The following CCDC171 variants were observed in gnomAD, a reference collection of about 807,000 sequenced individuals.
CCDC171 encodes the protein coiled-coil domain containing 171.
A neutral mutation model predicts 168.2 loss-of-function variants in CCDC171; 177 were observed. The observed-to-expected ratio is 1.05, with a 90% CI of 0.93 to 1.19. The LOEUF is 1.19. CCDC171 is among the 50% of genes most tolerant of loss of function. The probability of loss-of-function intolerance (pLI) is 0.00; values close to 1 mark genes in which losing one functional copy is unlikely to be tolerated. For synonymous variants in CCDC171, 687 were observed against 540.8 expected (o/e 1.27, Z -3.75); for missense variants, 1,991 against 1,539.0 (o/e 1.29, Z -4.91).
chr9:15,612,402 T>G (rs542528988), intron 6 of CCDC171, among the ~76,000 whole-genome samples: 32 of 152,336 alleles, frequency 2.1e-4, no homozygotes, highest in African/African-American at 7.7e-4. Context: ...TTTCTGCCAT[T>G]TGTTTTTATT....
intron 1 of CCDC171, among the ~76,000 whole-genome samples, chr9:16,051,254 G>A (rs1030507463): frequency 1.3e-5 from 2 of 152,114 alleles, no homozygotes; most frequent in Non-Finnish European, 2.9e-5. Flanking sequence ...GCTGTCATCC[G>A]TGTCTCTAAT....
At chr9:15,804,360 C>G (rs2058975666) in intron 21 of CCDC171, among the ~76,000 whole-genome samples, 1 of 151,914 alleles carries the variant, frequency 6.6e-6, no homozygotes, top group Non-Finnish European at 1.5e-5. Context: ...ATGATATTGG[C>G]TGTGTTTTTA....
chr9:15,772,102 G>C (rs1190057717), intron 18 of CCDC171, among the ~76,000 whole-genome samples: 1 of 152,098 alleles, frequency 6.6e-6, no homozygotes, highest in Non-Finnish European at 1.5e-5. Context: ...CCAAAGTGCT[G>C]GGATTACAGG....
intron 3 of CCDC171, among the ~76,000 whole-genome samples, chr9:16,014,324 T>C (rs939819316): frequency 1.6e-4 from 24 of 152,192 alleles, no homozygotes; most frequent in African/African-American, 5.8e-4. Flanking sequence ...TCAGGTTCCG[T>C]TTCTAATTTT....
intron 7 of CCDC171, among the ~76,000 whole-genome samples, chr9:15,625,511 A>T (rs1370416437): frequency 6.6e-6 from 1 of 152,162 alleles, no homozygotes; most frequent in African/African-American, 2.4e-5. Context: ...TAAGGAAGGG[A>T]TCCAGTTTCA....
chr9:15,784,562 A>T lies in CCDC171; in HGVS notation c.3135A>T (p.Ala1045=), dbSNP rs55780067. ...GTGCATGTGAAGAACTAAATAATGC[A>T]TTACTTCGGGAAGAGCAGGCACAAA... The part of the protein sequence containing the change: ...FESACEELNN[A]LLREEQAQML... Residue 1045 remains alanine (A), a synonymous_variant, in exon 21 of 26, where the codon GCA becomes GCT. Transcript: ENST00000380701. 25 of 1,613,436 alleles carry T rather than the reference A, an allele frequency of 1.5e-5. No homozygotes were observed. In the African/African-American group the frequency reaches 2.4e-4, roughly 15 times the overall value.
At chr9:16,053,964 C>T (rs1320594954) in intron 1 of CCDC171, among the ~76,000 whole-genome samples, 1 of 152,230 alleles carries the variant, frequency 6.6e-6, no homozygotes, top group Non-Finnish European at 1.5e-5. Flanking sequence ...CAGAACTGAG[C>T]CAGTCTTTGT....
At chr9:15,599,087 CT>C (rs2042619765) in intron 6 of CCDC171, among the ~76,000 whole-genome samples, 1 of 152,104 alleles carries the variant, frequency 6.6e-6, no homozygotes, top group African/African-American at 2.4e-5. Flanking sequence ...GCTGATGGGC[CT>C]TGACTCTTTA....
rs1215162387 is a variant in CCDC171 at position 15,920,364 on chromosome 9, C to T, written c.3695C>T (p.Ala1232Val). Residue 1232 changes from alanine (A) to valine (V), a missense_variant, in exon 25 of 26, where the codon GCA becomes GTA. By Grantham distance (64) the Ala-to-Val change is moderately conservative. Transcript: ENST00000380701. ...ATGACATCTCATCGAAGTCACATTG[C>T]AGCCTTGAAATCAGAACTTCACACA... ...KEMTSHRSHI[A>V]ALKSELHTAC... 6.2e-7 allele frequency: 1 copy of T among 1,609,892 alleles called. No homozygotes were observed. Among genetic ancestry groups the T allele is most frequent in the Non-Finnish European group, 8.5e-7 (1 of 1,177,290 alleles).
chr9:16,087,605 C>T, the CCDC171 span, among the ~76,000 whole-genome samples: 1 of 111,690 alleles, frequency 9.0e-6, no homozygotes, highest in East Asian at 3.0e-4. Flanking sequence ...GGTAAATCTT[C>T]CTCCATCCCT....
rs148788399 is a variant in CCDC171 at position 15,754,053 on chromosome 9, A to G, written c.2671+8422A>G. Among the ~76,000 whole-genome samples, 645 of 152,256 alleles carry G rather than the reference A, an allele frequency of 4.2e-3. 1 individual carries two copies. The highest frequency in any genetic ancestry group is 7.1e-3 in the Non-Finnish European group (483 of 67,984). On this transcript the variant is annotated intron_variant, in intron 18 of 25. Coordinates refer to ENST00000380701, the MANE Select transcript of CCDC171 (RefSeq NM_173550.4). ...GTTATATTTTTGTAGTAGAAATTTCAGGTATTTTGACAGAAAGGATGGGAA... is the reference window on the plus strand; with the variant it reads ...GTTATATTTTTGTAGTAGAAATTTCGGGTATTTTGACAGAAAGGATGGGAA...
chr9:15,712,330 T>C (rs908586972), intron 11 of CCDC171, among the ~76,000 whole-genome samples: 13 of 152,210 alleles, frequency 8.5e-5, no homozygotes, highest in Admixed American at 2.6e-4. Context: ...CCTTCCTCCT[T>C]GTCCCTGGTA....
intron 16 of CCDC171, among the ~76,000 whole-genome samples, chr9:15,731,333 C>G (rs2054137715): frequency 6.6e-6 from 1 of 152,074 alleles, no homozygotes; most frequent in Non-Finnish European, 1.5e-5. Context: ...TTTCATTACC[C>G]TAGAGTGTTC....
intron 18 of CCDC171, among the ~76,000 whole-genome samples, chr9:15,772,664 G>T (rs1355466315): frequency 6.6e-6 from 1 of 152,168 alleles, no homozygotes; most frequent in Non-Finnish European, 1.5e-5. Flanking sequence ...ATGTTTTAAG[G>T]AGTTTAAAAT....
intron 7 of CCDC171, among the ~76,000 whole-genome samples, chr9:15,633,428 C>T (rs562386538): frequency 1.3e-5 from 2 of 152,174 alleles, no homozygotes; most frequent in Non-Finnish European, 2.9e-5. Context: ...AAAAAATGCT[C>T]ACCGTCACTG....
intron 6 of CCDC171, among the ~76,000 whole-genome samples, chr9:15,605,467 C>T (rs2043150194): frequency 7.0e-6 from 1 of 141,970 alleles, no homozygotes; most frequent in Non-Finnish European, 1.5e-5. Flanking sequence ...ATCATGAGGT[C>T]AGGAGATTGA....
At chr9:15,834,776 G>A (rs565847087) in intron 21 of CCDC171, among the ~76,000 whole-genome samples, 2 of 152,186 alleles carry the variant, frequency 1.3e-5, no homozygotes, top group Non-Finnish European at 2.9e-5. Flanking sequence ...GGTTAGGGAC[G>A]TATATGCACT....
intron 5 of CCDC171, among the ~76,000 whole-genome samples, chr9:15,593,135 A>G (rs1040560597): frequency 1.1e-4 from 16 of 151,406 alleles, no homozygotes; most frequent in Non-Finnish European, 2.2e-4. Flanking sequence ...CCCTTGGGGG[A>G]AAAAAAAGCC....
chr9:15,729,490 T>G lies in CCDC171; in HGVS notation c.1861-120T>G, dbSNP rs537308537. ...TCTTTATTTACATTTTATGTTAAAA[T>G]TTTTATATGATCTTAAGGAATAAAA... On this transcript the variant is annotated intron_variant, in intron 15 of 25. Coordinates refer to ENST00000380701, the MANE Select transcript of CCDC171 (RefSeq NM_173550.4). 1.0e-4 allele frequency: 55 copies of G among 548,862 alleles called. 1 individual carries two copies. The East Asian group carries it at 1.5e-3, about 15-fold the overall frequency. The allele number at this position is 548,862 out of a possible 1,614,324, so 34.0% of individuals were successfully genotyped here.
Sources: gnomAD v4.1 joint callset for allele counts (sites outside exome capture counted in the v4.1 genomes callset) on GRCh38, gnomAD v4.1.1 for gene constraint, MANE v1.5 for transcripts, NCBI Gene and HGNC (gene_info 2026-07-23, HGNC 2026-07-21) for gene names.